Variants in GREM2 observed in about 807,000 individuals in gnomAD.
GREM2 encodes gremlin 2, DAN family BMP antagonist.
In GREM2, 11 loss-of-function variants were observed where a neutral mutation model predicts 14.2. The ratio of observed to expected loss-of-function variants is 0.78; its 90% CI spans 0.49 to 1.28. The LOEUF (loss-of-function observed/expected upper bound fraction) is 1.28. Among genes scored for constraint, GREM2 ranks in the 50% most tolerant of loss-of-function variants. The pLI, the probability that GREM2 is intolerant of heterozygous loss-of-function variation, is 0.00. For synonymous variants in GREM2, 98 were observed against 97.6 expected, an observed-to-expected ratio of 1.00 and a Z score of -0.02; for missense variants, 210 against 218.5, an observed-to-expected ratio of 0.96 and a Z score of 0.24.
intron 1 of GREM2, among the ~76,000 whole-genome samples, chr1:240,561,488 GA>G (rs1203181232): frequency 2.6e-5 from 4 of 152,096 alleles, no homozygotes; most frequent in African/African-American, 9.7e-5. Context: ...ATCTAATAGG[GA>G]ATTCAGTTAA....
chr1:240,592,036 C>T (rs982455687), intron 1 of GREM2, among the ~76,000 whole-genome samples: 7 of 152,156 alleles, frequency 4.6e-5, no homozygotes, highest in Non-Finnish European at 1.0e-4. Flanking sequence ...CCTCTCCAGG[C>T]TACAAGTAGA....
intron 1 of GREM2, among the ~76,000 whole-genome samples, chr1:240,518,484 C>T (rs189993475): frequency 6.6e-6 from 1 of 152,248 alleles, no homozygotes; most frequent in Non-Finnish European, 1.5e-5. Context: ...AGGATGGACA[C>T]AAATTTTAAA....
Position 240,532,616 on chromosome 1 carries a change from T to C in GREM2, c.-1-39140A>G, listed in dbSNP as rs538884499. On this transcript the variant is annotated intron_variant, in intron 1 of 1. Coordinates refer to ENST00000318160, the MANE Select transcript of GREM2 (RefSeq NM_022469.4). Reference sequence around the variant, plus strand: ...GCCAATCTTATGTCAAGTACTGGAATAACCACTTTATATAAGAGATATATA... The same window carrying C: ...GCCAATCTTATGTCAAGTACTGGAACAACCACTTTATATAAGAGATATATA... Among the ~76,000 whole-genome samples the C allele has an allele frequency of 6.9e-4, 105 of 151,804 alleles. 1 individual carries two copies. The South Asian group carries it at 8.7e-3, about 13-fold the overall frequency.
chr1:240,530,615 A>G (rs1176488058), intron 1 of GREM2: 1 of 152,244 alleles, frequency 6.6e-6, no homozygotes, highest in Non-Finnish European at 1.5e-5. Context: ...TATAAATAAT[A>G]GTTATCATCA....
rs149122735 is a variant in GREM2, at chr1:240,604,309, A to ATATGTG, written c.-2+7574_-2+7575insCACATA. 2.0e-3 allele frequency among the ~76,000 whole-genome samples: 236 copies of ATATGTG among 116,708 alleles called. 1 individual carries two copies. Among genetic ancestry groups the ATATGTG allele is most frequent in the Non-Finnish European group, 4.1e-3 (187 of 45,956 alleles). The allele number at this position is 116,708 out of a possible 152,430, so 76.6% of individuals were successfully genotyped here. On this transcript the variant is annotated intron_variant, in intron 1 of 1. Coordinates refer to ENST00000318160, the MANE Select transcript of GREM2 (RefSeq NM_022469.4). ...AGATCAGCTTTATATAACTATACGT[A>ATATGTG]TGTGTGTGTGTGTGTGTGTGTGTGT... is the stretch of plus-strand genomic sequence containing the variant.
At chr1:240,592,813 T>C (rs1353593825) in intron 1 of GREM2, among the ~76,000 whole-genome samples, 1 of 152,018 alleles carries the variant, frequency 6.6e-6, no homozygotes, top group Non-Finnish European at 1.5e-5. Flanking sequence ...ATGTCTCCAC[T>C]TTGCCTCTCT....
At chr1:240,532,244 C>G (rs1678377968) in intron 1 of GREM2, among the ~76,000 whole-genome samples, 1 of 152,006 alleles carries the variant, frequency 6.6e-6, no homozygotes, top group Admixed American at 6.6e-5. Context: ...CCACCATGCC[C>G]AGCTAATTTT....
chr1:240,502,028 C>T (rs189204728), intron 1 of GREM2, among the ~76,000 whole-genome samples: 24 of 152,116 alleles, frequency 1.6e-4, no homozygotes, highest in Non-Finnish European at 1.0e-4. Context: ...ACCAATCATG[C>T]TCTCGTGATT....
At chr1:240,589,963 A>G (rs1438672049) in intron 1 of GREM2, among the ~76,000 whole-genome samples, 2 of 152,156 alleles carry the variant, frequency 1.3e-5, no homozygotes, top group African/African-American at 2.4e-5. Context: ...TGAGCCTAGA[A>G]AAATGCAGTA....
At chr1:240,571,382 T>C (rs1679258157) in intron 1 of GREM2, among the ~76,000 whole-genome samples, 1 of 152,182 alleles carries the variant, frequency 6.6e-6, no homozygotes, top group Non-Finnish European at 1.5e-5. Context: ...TGTAGAGTAG[T>C]TCTGATTGGG....
chr1:240,544,683 CAT>C (rs955916283), intron 1 of GREM2, among the ~76,000 whole-genome samples: 27 of 152,330 alleles, frequency 1.8e-4, no homozygotes, highest in Admixed American at 1.7e-3. Flanking sequence ...CCTCTTCACA[CAT>C]CTCTTTCACT....
chr1:240,505,920 TAA>T (rs1677667277), intron 1 of GREM2, among the ~76,000 whole-genome samples: 1 of 152,096 alleles, frequency 6.6e-6, no homozygotes, highest in South Asian at 2.1e-4. Flanking sequence ...ATAGTGGGTA[TAA>T]AATAGCAATG....
chr1:240,509,876 T>C (rs1459536352), intron 1 of GREM2, among the ~76,000 whole-genome samples: 2 of 152,080 alleles, frequency 1.3e-5, no homozygotes, highest in Non-Finnish European at 2.9e-5. Flanking sequence ...AAGTAAGTAC[T>C]GGAGAGGGTA....
intron 1 of GREM2, among the ~76,000 whole-genome samples, chr1:240,581,760 T>C (rs1468165410): frequency 3.3e-5 from 5 of 152,266 alleles, no homozygotes; most frequent in Non-Finnish European, 5.9e-5. Flanking sequence ...GTTTTCTGAA[T>C]ATGAGTTCTA....
chr1:240,519,819 G>A (rs9428484), intron 1 of GREM2, among the ~76,000 whole-genome samples: 1 of 151,918 alleles, frequency 6.6e-6, no homozygotes, highest in African/African-American at 2.4e-5. Flanking sequence ...GGTGGCTCAC[G>A]CCTGTAATCC....
At chr1:240,544,656 T>G (rs970696820) in intron 1 of GREM2, among the ~76,000 whole-genome samples, 1 of 152,192 alleles carries the variant, frequency 6.6e-6, no homozygotes, top group African/African-American at 2.4e-5. Flanking sequence ...TTTTAGCCCT[T>G]TTCAAAGCCG....
At chr1:240,581,314 T>A (rs1679479575) in intron 1 of GREM2, among the ~76,000 whole-genome samples, 1 of 151,974 alleles carries the variant, frequency 6.6e-6, no homozygotes, top group African/African-American at 2.4e-5. Flanking sequence ...AGCTCTGCCA[T>A]TCAAGTAGCT....
At chr1:240,592,979 C>CAA (rs59141248) in intron 1 of GREM2, among the ~76,000 whole-genome samples, 3 of 131,414 alleles carry the variant, frequency 2.3e-5, no homozygotes, top group Non-Finnish European at 3.3e-5. Context: ...ATTAAAACTA[C>CAA]AAAAAAAAAA....
Position 240,542,261 on chromosome 1 carries a change from A to C in GREM2, c.-1-48785T>G, listed in dbSNP as rs2103326905. Among the ~76,000 whole-genome samples the C allele has an allele frequency of 6.6e-6, 1 of 152,152 alleles. No individual in the cohort carries two copies. The highest frequency in any genetic ancestry group is 2.4e-5 in the African/African-American group (1 of 41,510). On this transcript the variant is annotated intron_variant, in intron 1 of 1. Transcript: ENST00000318160. This position sits in a 1 kb window ranked among gnomAD's most constrained non-coding sequence, Gnocchi z 4.1. ...ATCTCTCCAGACCTGTGGAATTCAG[A>C]GGTATCTCTAACAAATCCACAGTAA...
Sources: gnomAD v4.1 joint callset for allele counts (sites outside exome capture counted in the v4.1 genomes callset) on GRCh38, gnomAD v4.1.1 for gene constraint, Gnocchi (gnomAD v3.1) non-coding constraint, MANE v1.5 for transcripts, NCBI Gene and HGNC (gene_info 2026-07-23, HGNC 2026-07-21) for gene names.